Variants in PROM1 observed in about 807,000 individuals in gnomAD.
The protein encoded by PROM1 is prominin 1.
Under a neutral mutation model 116.9 loss-of-function variants are expected in PROM1, and 105 were observed. The observed-to-expected ratio is 0.90, with a 90% CI of 0.77 to 1.06. The LOEUF is 1.06. Among genes scored for constraint, PROM1 ranks in the 50% least tolerant of loss-of-function variants. PROM1 has a pLI of 0.00. For synonymous variants in PROM1, 393 were observed against 387.0 expected (o/e 1.02, Z -0.18); for missense variants, 1,122 against 1,045.2 (o/e 1.07, Z -1.01).
At chr4:16,035,878 G>A (rs1279970053) in intron 3 of PROM1, 117 bp from the exon 4 acceptor site, 11 of 904,776 alleles carry the variant, frequency 1.2e-5, no homozygotes, top group Middle Eastern at 2.1e-4. Context: ...CCACAAGGAG[G>A]AAATTGGGTG....
intron 8 of PROM1, among the ~76,000 whole-genome samples, chr4:16,021,309 C>T (rs1050635810): frequency 1.3e-5 from 2 of 152,124 alleles, no homozygotes; most frequent in Non-Finnish European, 2.9e-5. Context: ...CTAAAAATTG[C>T]AAGAACATTG....
Position 16,076,012 on chromosome 4 carries a change from G to A in PROM1, c.-106C>T. On this transcript the variant is annotated 5_prime_UTR_variant, in exon 2 of 28. Coordinates refer to ENST00000447510, the MANE Select transcript of PROM1 (RefSeq NM_006017.3). ...CGTGTTCCTGGGCAGAAGAGGAGCAGGAAGCACTGGATCTGCTGAATCTTC... is the reference window on the plus strand; with the variant it reads ...CGTGTTCCTGGGCAGAAGAGGAGCAAGAAGCACTGGATCTGCTGAATCTTC... The A allele has an allele frequency of 1.4e-6, 2 of 1,452,692 alleles. No homozygotes were observed. The highest frequency in any genetic ancestry group is 3.0e-5 in the South Asian group (2 of 66,390). 90.0% of individuals were successfully genotyped at this position (1,452,692 alleles called of 1,614,324 possible). A position where few individuals can be genotyped will look rare whatever the true frequency, so the allele number is the denominator to read the frequency against.
chr4:16,026,267 TAA>T (rs1731244034), intron 5 of PROM1, among the ~76,000 whole-genome samples: 1 of 152,208 alleles, frequency 6.6e-6, no homozygotes, highest in African/African-American at 2.4e-5. Flanking sequence ...TCCTTTGACT[TAA>T]AATAATTTGA....
intron 1 of PROM1, chr4:16,083,380 A>AGCGGGGCGTC (rs1395858663): frequency 1.3e-5 from 2 of 150,176 alleles, no homozygotes; most frequent in African/African-American, 4.9e-5. Flanking sequence ...AGAAGACCCA[A>AGCGGGGCGTC]GCGGGGCGTC....
At chr4:16,019,219 A>T (rs1729203245) in intron 8 of PROM1, among the ~76,000 whole-genome samples, 1 of 152,230 alleles carries the variant, frequency 6.6e-6, no homozygotes. Flanking sequence ...ACATTCTCAT[A>T]CAGAGAGTAC....
chr4:16,021,510 G>C (rs977519056), intron 8 of PROM1, among the ~76,000 whole-genome samples: 2 of 152,308 alleles, frequency 1.3e-5, no homozygotes, highest in South Asian at 2.1e-4. Flanking sequence ...ATGACTCCCA[G>C]AGTTACAACC....
chr4:16,045,092 C>T (rs115568853), intron 2 of PROM1, among the ~76,000 whole-genome samples: 3,655 of 151,438 alleles, frequency 0.024, 148 homozygotes, highest in African/African-American at 0.085. Flanking sequence ...CCACTCTTCC[C>T]TGCCGGCCCT....
At chr4:16,022,893 C>T (rs1430452752) in intron 8 of PROM1, among the ~76,000 whole-genome samples, 2 of 152,148 alleles carry the variant, frequency 1.3e-5, no homozygotes, top group African/African-American at 4.8e-5. Context: ...ATAGGTTCCT[C>T]GTCTTCTGTA....
rs369815021 is a variant in PROM1 at position 16,023,379 on chromosome 4, C to G, written c.731G>C (p.Arg244Pro). ...NSVLGGGILDRLRPNIIPVLD... is the reference protein window; with the variant it reads ...NSVLGGGILDPLRPNIIPVLD... ...AACAGGGATGATGTTGGGTCTCAGT[C>G]GGTCAAGAATTCCGCCTCCTAGCAC... is the stretch of plus-strand genomic sequence containing the variant. The change falls in exon 8 of 28, where the codon CGA becomes CCA. Residue 244 changes from arginine (R) to proline (P), a missense_variant. By Grantham distance (103) the Arg-to-Pro change is moderately radical. Transcript: ENST00000447510. 2 of 1,607,338 alleles carry G rather than the reference C, an allele frequency of 1.2e-6. No individual in the cohort carries two copies. Among genetic ancestry groups the G allele is most frequent in the Admixed American group, 3.4e-5 (2 of 59,250 alleles).
intron 14 of PROM1, among the ~76,000 whole-genome samples, chr4:15,999,606 T>C (rs1723229836): frequency 6.6e-6 from 1 of 152,182 alleles, no homozygotes; most frequent in Non-Finnish European, 1.5e-5. Context: ...AAATTATCTT[T>C]GAATGATTCG....
At chr4:16,041,424 G>A (rs921636576) in intron 2 of PROM1, among the ~76,000 whole-genome samples, 1 of 152,172 alleles carries the variant, frequency 6.6e-6, no homozygotes, top group Non-Finnish European at 1.5e-5. Flanking sequence ...ATTTGTGCAA[G>A]TGTTTTAAGT....
At chr4:15,995,308 G>C (rs907096541) in intron 15 of PROM1, among the ~76,000 whole-genome samples, 2 of 149,284 alleles carry the variant, frequency 1.3e-5, no homozygotes, top group Non-Finnish European at 1.5e-5. Context: ...AGGAGAGAGA[G>C]AGAGAGAAAA....
chr4:16,052,397 C>G (rs1738088803), intron 2 of PROM1, among the ~76,000 whole-genome samples: 2 of 152,194 alleles, frequency 1.3e-5, no homozygotes, highest in African/African-American at 2.4e-5. Context: ...TATCAGAATG[C>G]TCCCGACACA....
chr4:16,003,951 G>T (rs761145700), intron 13 of PROM1, among the ~76,000 whole-genome samples: 23 of 152,108 alleles, frequency 1.5e-4, no homozygotes, highest in Non-Finnish European at 2.9e-4. Flanking sequence ...TGATTGGATG[G>T]TGTCACCATT....
chr4:16,080,011 CAAAAAAAAAAAA>C (rs60504899), intron 1 of PROM1: 7 of 65,896 alleles, frequency 1.1e-4, no homozygotes, highest in Non-Finnish European at 1.6e-4. Context: ...CCTGTCTCTA[CAAAAAAAAAAAA>C]AAAAAAAAAA....
chr4:16,032,155 T>C (rs977888860), intron 5 of PROM1, among the ~76,000 whole-genome samples: 2 of 151,696 alleles, frequency 1.3e-5, no homozygotes, highest in African/African-American at 4.9e-5. Context: ...CTGATCTTTT[T>C]TTTTTTTAAC....
chr4:16,025,394 A>T, intron 5 of PROM1, 82 bp from the exon 6 acceptor site: 1 of 1,543,572 alleles, frequency 6.5e-7, no homozygotes, highest in Non-Finnish European at 8.8e-7. Context: ...GCAGAGCAGG[A>T]GTCAGGGAGG....
At chr4:16,041,788 AT>A (rs1279863802) in intron 2 of PROM1, among the ~76,000 whole-genome samples, 835 of 81,814 alleles carry the variant, frequency 0.01, 14 homozygotes, top group African/African-American at 0.056. Context: ...ATAAATAAAT[AT>A]ATATATATAT....
intron 8 of PROM1, among the ~76,000 whole-genome samples, chr4:16,018,988 G>C (rs1430315921): frequency 1.3e-5 from 2 of 152,212 alleles, no homozygotes; most frequent in Non-Finnish European, 2.9e-5. Context: ...CAGTAGTTAA[G>C]AGCACGGTTT....
Sources: gnomAD v4.1 joint callset for allele counts (sites outside exome capture counted in the v4.1 genomes callset) on GRCh38, gnomAD v4.1.1 for gene constraint, MANE v1.5 for transcripts, NCBI Gene and HGNC (gene_info 2026-07-23, HGNC 2026-07-21) for gene names.